Variants in CCDC7 observed in about 807,000 individuals in gnomAD.
CCDC7 encodes coiled-coil domain containing 7, also known as coiled-coil domain-containing protein 7.
In CCDC7, 183 loss-of-function variants were observed where a neutral mutation model predicts 196.9. That is an observed-to-expected ratio of 0.93 (90% confidence interval 0.82 to 1.05). The LOEUF (loss-of-function observed/expected upper bound fraction) is 1.05, where lower values mean the gene tolerates loss of function less well. CCDC7 is among the 50% of genes least tolerant of loss of function. CCDC7 has a pLI of 0.00. For synonymous variants in CCDC7, 525 were observed against 484.6 expected (o/e 1.08, Z -1.10); for missense variants, 1,540 against 1,482.2 (o/e 1.04, Z -0.64).
Position 32,846,501 on chromosome 10 carries a change from T to C in CCDC7, c.3688+42T>C, listed in dbSNP as rs73264307. The stretch of plus-strand genomic sequence containing the variant: ...TTGAGTCTAATATTTGTGACCTATT[T>C]ATGTTCCCTGAGTTAAATTAAGTAT... On this transcript the variant is annotated intron_variant, in intron 37 of 41. Transcript: ENST00000639629. 12,446 of 1,253,106 alleles carry C rather than the reference T, an allele frequency of 9.9e-3. 877 individuals are homozygous for C. The African/African-American group carries it at 0.16, about 16-fold the overall frequency. 77.6% of individuals were successfully genotyped at this position (1,253,106 alleles called of 1,614,324 possible).
intron 29 of CCDC7, among the ~76,000 whole-genome samples, chr10:32,796,022 C>T (rs2083492767): frequency 6.6e-6 from 1 of 152,148 alleles, no homozygotes; most frequent in African/African-American, 2.4e-5. Context: ...CCCCTTTGGC[C>T]AAGTTACAGA....
chr10:32,632,869 C>T (rs947977106), intron 18 of CCDC7, among the ~76,000 whole-genome samples: 1 of 152,112 alleles, frequency 6.6e-6, no homozygotes, highest in Non-Finnish European at 1.5e-5. Context: ...TATTGCATAT[C>T]TTAGAGATTT....
chr10:32,783,262 T>C (rs2061193254), intron 29 of CCDC7, among the ~76,000 whole-genome samples: 1 of 152,168 alleles, frequency 6.6e-6, no homozygotes, highest in African/African-American at 2.4e-5. Context: ...AAATTACATA[T>C]CTGATAAGGG....
rs560272744 is a variant in CCDC7 at position 32,756,999 on chromosome 10, C to T, written c.2906-21978C>T. The stretch of plus-strand genomic sequence containing the variant: ...TTAAACCAACAAAGATCAAAAGAGA[C>T]AAAGAAGGCTGTTACATAAAGGTAA... On this transcript the variant is annotated intron_variant, in intron 28 of 41. Transcript: ENST00000639629. Among the ~76,000 whole-genome samples the T allele has an allele frequency of 4.6e-5, 7 of 152,228 alleles. 1 individual carries two copies. The South Asian group carries it at 1.0e-3, about 23-fold the overall frequency.
intron 9 of CCDC7, among the ~76,000 whole-genome samples, chr10:32,506,601 C>T (rs1038918196): frequency 2.6e-5 from 4 of 152,230 alleles, no homozygotes; most frequent in African/African-American, 7.2e-5. Flanking sequence ...TCTGCAATCC[C>T]AGCACCTCGG....
intron 13 of CCDC7, among the ~76,000 whole-genome samples, chr10:32,563,833 CA>C (rs1327391146): frequency 6.6e-6 from 1 of 151,568 alleles, no homozygotes; most frequent in Non-Finnish European, 1.5e-5. Context: ...TTCTGCACAG[CA>C]AAAGAAACTA....
At chr10:32,614,042 A>T (rs2138870079) in intron 18 of CCDC7, among the ~76,000 whole-genome samples, 1 of 152,212 alleles carries the variant, frequency 6.6e-6, no homozygotes, top group Non-Finnish European at 1.5e-5. Context: ...TGGGAGTCTA[A>T]GTCTCTTTGT....
Position 32,501,040 on chromosome 10 carries a change from G to GGGGAGA in CCDC7, c.872+9064_872+9069dup, listed in dbSNP as rs139553454. ...CGGCATCAGAGGGAGACCATGCAAA[G>GGGGAGA]GGGAGAGGGAGAGGGAGAGGGAGAG... On this transcript the variant is annotated intron_variant, in intron 9 of 41. Transcript: ENST00000639629. Among the ~76,000 whole-genome samples the GGGGAGA allele has an allele frequency of 6.2e-4, 94 of 151,874 alleles. 1 individual carries two copies. The highest frequency in any genetic ancestry group is 1.2e-3 in the African/African-American group (50 of 41,346).
At chr10:32,459,256 C>G (rs890048484) in intron 3 of CCDC7, among the ~76,000 whole-genome samples, 3 of 152,068 alleles carry the variant, frequency 2.0e-5, no homozygotes, top group Non-Finnish European at 4.4e-5. Flanking sequence ...TGAGGCCCTC[C>G]ACTTAGTTGC....
At chr10:32,760,983 A>C (rs1298689624) in intron 28 of CCDC7, among the ~76,000 whole-genome samples, 1 of 151,996 alleles carries the variant, frequency 6.6e-6, no homozygotes, top group Non-Finnish European at 1.5e-5. Context: ...GGTGATATTC[A>C]GTATATTTAA....
intron 8 of CCDC7, among the ~76,000 whole-genome samples, chr10:32,474,428 A>G (rs1422891540): frequency 6.7e-6 from 1 of 149,058 alleles, no homozygotes; most frequent in African/African-American, 2.5e-5. Flanking sequence ...TAGTAGAGAG[A>G]GTTTCACCAT....
chr10:32,606,700 A>C (rs543456355), intron 18 of CCDC7, among the ~76,000 whole-genome samples: 9 of 152,320 alleles, frequency 5.9e-5, no homozygotes, highest in African/African-American at 2.2e-4. Context: ...CTTTAGGCCA[A>C]CTTCTCCCTT....
At position 32,768,021 on chromosome 10, in the gene CCDC7, A is replaced by G. The variant is rs149890152; in HGVS notation, c.2906-10956A>G. ...TCAACAGCAGAAGTGATCAAGTAGA[A>G]GAAAGGATTACTGACTCAAAGACAG... On this transcript the variant is annotated intron_variant, in intron 28 of 41. Transcript: ENST00000639629. Among the ~76,000 whole-genome samples the G allele has an allele frequency of 2.4e-3, 359 of 152,240 alleles. 2 individuals are homozygous for G. Among genetic ancestry groups the G allele is most frequent in the African/African-American group, 8.2e-3 (341 of 41,552 alleles).
At chr10:32,802,296 C>G (rs1326008010) in intron 29 of CCDC7, among the ~76,000 whole-genome samples, 1 of 152,166 alleles carries the variant, frequency 6.6e-6, no homozygotes, top group Non-Finnish European at 1.5e-5. Flanking sequence ...TATAGAGTTA[C>G]TAAACTCCTT....
chr10:32,868,546 T>A (rs1264106703), intron 41 of CCDC7, among the ~76,000 whole-genome samples: 1 of 152,024 alleles, frequency 6.6e-6, no homozygotes, highest in African/African-American at 2.4e-5. Context: ...GATTCATCTA[T>A]GTTTTAGCAT....
chr10:32,679,821 C>T (rs924182678), intron 21 of CCDC7, among the ~76,000 whole-genome samples: 7 of 152,128 alleles, frequency 4.6e-5, no homozygotes, highest in Non-Finnish European at 1.0e-4. Flanking sequence ...GCATGGATGA[C>T]AGATAGGGAA....
chr10:32,685,927 C>T, intron 21 of CCDC7, 43 bp from the exon 23 acceptor site: 1 of 1,041,230 alleles, frequency 9.6e-7, no homozygotes, highest in Non-Finnish European at 1.4e-6. Flanking sequence ...CACAAAAGAT[C>T]CATTTTTCTA....
intron 20 of CCDC7, among the ~76,000 whole-genome samples, chr10:32,643,411 G>A (rs2139949106): frequency 6.6e-6 from 1 of 152,082 alleles, no homozygotes; most frequent in East Asian, 1.9e-4. Flanking sequence ...GACATAGCTT[G>A]TAAATCACCT....
chr10:32,678,781 A>G (rs2075411427), intron 21 of CCDC7, among the ~76,000 whole-genome samples: 1 of 152,178 alleles, frequency 6.6e-6, no homozygotes, highest in Non-Finnish European at 1.5e-5. Context: ...AAGGTGTGAC[A>G]TGAGTAGAGA....
Sources: gnomAD v4.1 joint callset for allele counts (sites outside exome capture counted in the v4.1 genomes callset) on GRCh38, gnomAD v4.1.1 for gene constraint, MANE v1.5 for transcripts, NCBI Gene and HGNC (gene_info 2026-07-23, HGNC 2026-07-21) for gene names.